The following ERBB4 variants were observed in gnomAD, a reference collection of about 807,000 sequenced individuals.
ERBB4 encodes receptor tyrosine-protein kinase erbB-4.
ERBB4 carries 42 observed loss-of-function variants against 158.0 expected under a neutral mutation model. That is an observed-to-expected ratio of 0.27 (90% CI 0.21 to 0.34). ERBB4 has a LOEUF of 0.34. ERBB4 is among the 10% of genes least tolerant of loss of function. The pLI, the probability that ERBB4 is intolerant of heterozygous loss-of-function variation, is 1.00. For missense variants in ERBB4, 1,333 were observed against 1,624.1 expected (o/e 0.82, Z 3.08); for synonymous variants, 583 against 558.7 (o/e 1.04, Z -0.61).
chr2:212,141,174 T>C (rs2080463064), intron 1 of ERBB4, among the ~76,000 whole-genome samples: 1 of 151,916 alleles, frequency 6.6e-6, no homozygotes, highest in Non-Finnish European at 1.5e-5. Context: ...TGAAGACACA[T>C]TACCTTTTAT....
At chr2:212,470,716 C>T (rs1461502693) in intron 1 of ERBB4, among the ~76,000 whole-genome samples, 1 of 151,986 alleles carries the variant, frequency 6.6e-6, no homozygotes, top group Non-Finnish European at 1.5e-5. Flanking sequence ...ATGTCTTTGC[C>T]CGTTATTAGC....
intron 1 of ERBB4, among the ~76,000 whole-genome samples, chr2:212,487,835 C>T (rs1690057536): frequency 1.3e-5 from 2 of 152,096 alleles, no homozygotes; most frequent in African/African-American, 4.8e-5. Flanking sequence ...TACTGTTATT[C>T]CAGTTTTACT....
chr2:212,074,442 A>T (rs1418645564), intron 2 of ERBB4, among the ~76,000 whole-genome samples: 1 of 151,994 alleles, frequency 6.6e-6, no homozygotes, highest in Non-Finnish European at 1.5e-5. Flanking sequence ...GGTTAATCCC[A>T]TATTTATTTA....
intron 2 of ERBB4, among the ~76,000 whole-genome samples, chr2:212,057,616 A>T (rs1218479345): frequency 6.6e-6 from 1 of 152,240 alleles, no homozygotes; most frequent in Non-Finnish European, 1.5e-5. Flanking sequence ...AGAACTCAGG[A>T]TTAAGAAACT....
intron 19 of ERBB4, among the ~76,000 whole-genome samples, chr2:211,616,293 G>A (rs1351565100): frequency 2.0e-5 from 3 of 152,026 alleles, no homozygotes; most frequent in African/African-American, 4.8e-5. Flanking sequence ...CACTTACAAC[G>A]GCAGCTAGCT....
chr2:211,581,390 G>A (rs2068099943), intron 19 of ERBB4, among the ~76,000 whole-genome samples: 1 of 152,024 alleles, frequency 6.6e-6, no homozygotes, highest in Non-Finnish European at 1.5e-5. Flanking sequence ...CATGGAAATA[G>A]TCAAGCAAAA....
chr2:211,773,616 A>ATATAT (rs2075778012), intron 4 of ERBB4, among the ~76,000 whole-genome samples: 1 of 52,132 alleles, frequency 1.9e-5, no homozygotes, highest in Non-Finnish European at 3.7e-5. Context: ...ATATATATAT[A>ATATAT]TATATATATA....
At chr2:211,624,410 G>GAA (rs914249630) in intron 17 of ERBB4, among the ~76,000 whole-genome samples, 3 of 151,922 alleles carry the variant, frequency 2.0e-5, no homozygotes, top group African/African-American at 7.3e-5. Context: ...GAGGAGAGGG[G>GAA]AAAAAAACGC....
At chr2:212,436,283 G>A (rs1040187801) in intron 1 of ERBB4, among the ~76,000 whole-genome samples, 6 of 151,976 alleles carry the variant, frequency 3.9e-5, no homozygotes, top group Admixed American at 2.0e-4. Context: ...GTTTATATCC[G>A]CTATAGATCA....
At chr2:211,767,545 A>G (rs1026706830) in intron 4 of ERBB4, among the ~76,000 whole-genome samples, 2 of 152,216 alleles carry the variant, frequency 1.3e-5, no homozygotes, top group Non-Finnish European at 2.9e-5. Context: ...AAGAGATTTA[A>G]TTGACTGACA....
chr2:212,172,647 T>C (rs1185019301), intron 1 of ERBB4, among the ~76,000 whole-genome samples: 1 of 152,128 alleles, frequency 6.6e-6, no homozygotes, highest in African/African-American at 2.4e-5. Context: ...TGGATGGAGC[T>C]GGAGGCCATG....
chr2:211,782,509 G>A (rs1475619353), intron 4 of ERBB4, among the ~76,000 whole-genome samples: 1 of 152,136 alleles, frequency 6.6e-6, no homozygotes, highest in Non-Finnish European at 1.5e-5. Flanking sequence ...TGAGGGCATA[G>A]ATGACTTGCT....
chr2:211,401,511 A>G (rs2125354919), intron 25 of ERBB4, among the ~76,000 whole-genome samples: 1 of 152,158 alleles, frequency 6.6e-6, no homozygotes, highest in South Asian at 2.1e-4. Context: ...TGTATGCTTC[A>G]ATTGAATTTT....
chr2:211,632,343 A>C (rs1388110110), intron 16 of ERBB4, among the ~76,000 whole-genome samples: 1 of 152,056 alleles, frequency 6.6e-6, no homozygotes, highest in Admixed American at 6.6e-5. Context: ...CAAAGGTATA[A>C]TTTTTAGCTC....
intron 1 of ERBB4, among the ~76,000 whole-genome samples, chr2:212,502,032 T>A (rs1690921505): frequency 1.3e-5 from 2 of 152,210 alleles, no homozygotes; most frequent in African/African-American, 4.8e-5. Flanking sequence ...AAACAAGTAG[T>A]ATAAAAATCA....
rs776890554 is a variant in ERBB4, at chr2:212,505,871, G to A, written c.82+32578C>T. On this transcript the variant is annotated intron_variant, in intron 1 of 27. Transcript: ENST00000342788. ...CACAGTACAAGGCTACTTAGTAGGA[G>A]GTATATAGGGTAAAATAAAATCCCA... Among the ~76,000 whole-genome samples the A allele has an allele frequency of 2.0e-5, 3 of 148,638 alleles. 1 individual carries two copies. The highest frequency in any genetic ancestry group is 4.6e-5 in the Non-Finnish European group (3 of 65,908).
At chr2:212,433,749 T>C (rs1355187879) in intron 1 of ERBB4, among the ~76,000 whole-genome samples, 2 of 152,006 alleles carry the variant, frequency 1.3e-5, no homozygotes, top group Non-Finnish European at 2.9e-5. Flanking sequence ...CTTAATTCTA[T>C]AGTAAATCAA....
At chr2:211,624,658 T>G (rs1344208279) in intron 17 of ERBB4, among the ~76,000 whole-genome samples, 1 of 152,236 alleles carries the variant, frequency 6.6e-6, no homozygotes, top group African/African-American at 2.4e-5. Flanking sequence ...GATTTGATTC[T>G]GCATCATAAG....
intron 4 of ERBB4, among the ~76,000 whole-genome samples, chr2:211,760,484 C>T (rs1344743011): frequency 6.6e-6 from 1 of 152,134 alleles, no homozygotes; most frequent in East Asian, 1.9e-4. Flanking sequence ...GAACAATAAG[C>T]TGAAATTAAA....
Sources: gnomAD v4.1 joint callset for allele counts (sites outside exome capture counted in the v4.1 genomes callset) on GRCh38, gnomAD v4.1.1 for gene constraint, MANE v1.5 for transcripts, NCBI Gene and HGNC (gene_info 2026-07-23, HGNC 2026-07-21) for gene names.